The following DCDC1 variants were observed in gnomAD, a reference collection of about 807,000 sequenced individuals.
The protein encoded by DCDC1 is doublecortin domain containing 1.
DCDC1 carries 200 observed loss-of-function variants against 178.3 expected under a neutral mutation model. The ratio of observed to expected loss-of-function variants is 1.12; its 90% CI spans 1.00 to 1.26. DCDC1 has a LOEUF of 1.26. Among genes scored for constraint, DCDC1 ranks in the 50% most tolerant of loss-of-function variants. DCDC1 has a pLI of 0.00. For synonymous variants in DCDC1, 690 were observed against 604.8 expected, an observed-to-expected ratio of 1.14 and a Z score of -2.07; for missense variants, 1,983 against 1,749.2, an observed-to-expected ratio of 1.13 and a Z score of -2.38.
At chr11:31,356,703 G>C (rs1359815019) in intron 1 of DCDC1, among the ~76,000 whole-genome samples, 2 of 149,502 alleles carry the variant, frequency 1.3e-5, no homozygotes, top group African/African-American at 5.0e-5. Flanking sequence ...GACTAATAAA[G>C]AAAAAAAGAG....
At chr11:31,096,649 A>G (rs1397688193) in intron 15 of DCDC1, among the ~76,000 whole-genome samples, 1 of 152,022 alleles carries the variant, frequency 6.6e-6, no homozygotes, top group Non-Finnish European at 1.5e-5. Flanking sequence ...GTGATTCTAC[A>G]TAGAACAGAC....
chr11:31,143,295 G>A (rs180928430), intron 9 of DCDC1, among the ~76,000 whole-genome samples: 168 of 152,174 alleles, frequency 1.1e-3, no homozygotes, highest in Admixed American at 1.8e-3. Context: ...TAAGTAATAT[G>A]TTTATTATTT....
intron 36 of DCDC1, chr11:30,883,661 C>A (rs147794459): frequency 9.7e-6 from 2 of 206,670 alleles, no homozygotes; most frequent in Admixed American, 6.2e-5. Context: ...GAAAATGAAG[C>A]AAAATCTATG....
chr11:31,102,531 T>C (rs764438180), intron 14 of DCDC1, among the ~76,000 whole-genome samples: 41 of 152,196 alleles, frequency 2.7e-4, no homozygotes, highest in Admixed American at 1.2e-3. Flanking sequence ...GACTGAGTGA[T>C]CTCATCAGAC....
At chr11:31,310,133 T>C (rs1948681699) in intron 3 of DCDC1, among the ~76,000 whole-genome samples, 1 of 152,012 alleles carries the variant, frequency 6.6e-6, no homozygotes, top group South Asian at 2.1e-4. Context: ...TTTAAATATA[T>C]GGTTCAACTA....
At chr11:30,960,361 T>C (rs1349354962) in intron 20 of DCDC1, among the ~76,000 whole-genome samples, 2 of 152,124 alleles carry the variant, frequency 1.3e-5, no homozygotes, top group Non-Finnish European at 2.9e-5. Context: ...AACATTAACA[T>C]AGAGCAAAGG....
At chr11:30,883,357 T>A (rs1309590408) in intron 36 of DCDC1, 1 of 259,236 alleles carries the variant, frequency 3.9e-6, no homozygotes, top group African/African-American at 2.3e-5. Flanking sequence ...GAGAGAAAAG[T>A]CAAACATTTA....
chr11:31,108,547 A>T (rs2135783238), intron 12 of DCDC1, among the ~76,000 whole-genome samples: 1 of 152,292 alleles, frequency 6.6e-6, no homozygotes, highest in East Asian at 1.9e-4. Context: ...TCACCTTTTT[A>T]TAAAAAGGAA....
intron 7 of DCDC1, among the ~76,000 whole-genome samples, chr11:31,271,138 T>C (rs1945517662): frequency 6.6e-6 from 1 of 152,154 alleles, no homozygotes; most frequent in Non-Finnish European, 1.5e-5. Context: ...GATGACATGA[T>C]CTCCTATGTC....
intron 17 of DCDC1, among the ~76,000 whole-genome samples, chr11:31,079,121 AGACCAAGTCAT>A (rs1324008273): frequency 1.3e-5 from 2 of 152,286 alleles, no homozygotes; most frequent in East Asian, 3.9e-4. Context: ...GTCACCAGAA[AGACCAAGTCAT>A]GATTCAAATA....
intron 22 of DCDC1, among the ~76,000 whole-genome samples, chr11:30,929,125 C>A (rs1298248684): frequency 6.6e-6 from 1 of 152,056 alleles, no homozygotes; most frequent in Non-Finnish European, 1.5e-5. Context: ...ACTAACCATT[C>A]ATTCGTTCAG....
chr11:31,301,922 C>A (rs778376979), intron 6 of DCDC1, among the ~76,000 whole-genome samples: 1 of 152,114 alleles, frequency 6.6e-6, no homozygotes. Context: ...TCCTTTCATG[C>A]ATTTTTTTCT....
chr11:31,050,732 C>T (rs1955190718), intron 20 of DCDC1, among the ~76,000 whole-genome samples: 2 of 152,276 alleles, frequency 1.3e-5, no homozygotes, highest in South Asian at 4.1e-4. Context: ...CTCACTGCTT[C>T]ACTAGACCCA....
At chr11:31,058,126 G>C (rs901166928) in intron 20 of DCDC1, among the ~76,000 whole-genome samples, 4 of 152,110 alleles carry the variant, frequency 2.6e-5, no homozygotes, top group Admixed American at 2.0e-4. Context: ...AGATGATATT[G>C]ACTCAGCCAG....
At chr11:31,180,109 T>TA (rs1968583870) in intron 9 of DCDC1, among the ~76,000 whole-genome samples, 1 of 152,060 alleles carries the variant, frequency 6.6e-6, no homozygotes, top group African/African-American at 2.4e-5. Context: ...CCAACAAACT[T>TA]AGACACTGAA....
At chr11:31,224,580 G>C (rs1030517948) in intron 9 of DCDC1, among the ~76,000 whole-genome samples, 1 of 151,896 alleles carries the variant, frequency 6.6e-6, no homozygotes, top group African/African-American at 2.4e-5. Flanking sequence ...AACCCACAGA[G>C]TAGGAGAAAA....
At chr11:30,886,191 A>G (rs531319062) in intron 36 of DCDC1, among the ~76,000 whole-genome samples, 1 of 152,154 alleles carries the variant, frequency 6.6e-6, no homozygotes, top group South Asian at 2.1e-4. Flanking sequence ...GGATGATGTA[A>G]TTTTCATTTC....
At chr11:31,122,705 T>C (rs1385806131) in intron 11 of DCDC1, among the ~76,000 whole-genome samples, 2 of 152,080 alleles carry the variant, frequency 1.3e-5, no homozygotes, top group East Asian at 3.9e-4. Flanking sequence ...TTTTCATCCA[T>C]GTTGATAAGA....
intron 38 of DCDC1, among the ~76,000 whole-genome samples, chr11:30,873,358 T>TAGAGAGAG (rs1185841948): frequency 1.0e-4 from 14 of 138,060 alleles, no homozygotes; most frequent in African/African-American, 2.6e-4. Context: ...TATATATATA[T>TAGAGAGAG]ATATATAGAG....
Sources: gnomAD v4.1 joint callset for allele counts (sites outside exome capture counted in the v4.1 genomes callset) on GRCh38, gnomAD v4.1.1 for gene constraint, MANE v1.5 for transcripts, NCBI Gene and HGNC (gene_info 2026-07-23, HGNC 2026-07-21) for gene names.